Variants in DISC1 observed in about 807,000 individuals in gnomAD.
DISC1 encodes the protein disrupted in schizophrenia 1 protein.
DISC1 carries 57 observed loss-of-function variants against 84.5 expected under a neutral mutation model. That is an observed-to-expected ratio of 0.67 (90% CI 0.55 to 0.84). The LOEUF (loss-of-function observed/expected upper bound fraction) is 0.84. Among genes scored for constraint, DISC1 ranks in the 40% least tolerant of loss-of-function variants. The pLI is 0.00. For synonymous variants in DISC1, 411 were observed against 415.2 expected (o/e 0.99, Z 0.12); for missense variants, 1,000 against 1,057.8 (o/e 0.95, Z 0.76).
chr1:231,836,940 C>G (rs1213440762), intron 9 of DISC1, among the ~76,000 whole-genome samples: 2 of 152,180 alleles, frequency 1.3e-5, no homozygotes, highest in African/African-American at 4.8e-5. Flanking sequence ...GGCACTTGAC[C>G]TGATGCTGGG....
chr1:231,643,884 C>T lies in DISC1; in HGVS notation c.67+16950C>T, dbSNP rs142919229. On this transcript the variant is annotated intron_variant, in intron 1 of 12. Coordinates refer to ENST00000439617, the MANE Select transcript of DISC1 (RefSeq NM_018662.3). Reference sequence around the variant, plus strand: ...AATGGAGCCCTGGTGCTGAGGATGGCGAGCCTTTTTCTAATTCATCAGCTC... The same window carrying T: ...AATGGAGCCCTGGTGCTGAGGATGGTGAGCCTTTTTCTAATTCATCAGCTC... Among the ~76,000 whole-genome samples, 677 of 152,188 alleles carry T rather than the reference C, an allele frequency of 4.4e-3. 3 individuals are homozygous for T. Among genetic ancestry groups the T allele is most frequent in the Non-Finnish European group, 7.2e-3 (489 of 67,980 alleles).
rs1269084648 is a variant in DISC1 at position 231,756,524 on chromosome 1, A to T, written c.1268+6448A>T. Among the ~76,000 whole-genome samples, 7 of 60,148 alleles carry T rather than the reference A, an allele frequency of 1.2e-4. No homozygotes were observed. In the East Asian group the frequency reaches 3.4e-3, roughly 29 times the overall value. The allele number at this position is 60,148 out of a possible 152,430, so 39.5% of individuals were successfully genotyped here. ...AACGTATATGTGAATATCGAGAGAG[A>T]GAGAGAGAGAGAGAGAGAGAGAGAG... On this transcript the variant is annotated intron_variant, in intron 4 of 12. Transcript: ENST00000439617.
At chr1:231,772,372 C>T (rs538959275) in intron 6 of DISC1, among the ~76,000 whole-genome samples, 2 of 152,194 alleles carry the variant, frequency 1.3e-5, no homozygotes, top group African/African-American at 4.8e-5. Flanking sequence ...GTAAGGACTG[C>T]AAGTGCTACG....
At chr1:231,742,767 A>C (rs1458371985) in intron 3 of DISC1, among the ~76,000 whole-genome samples, 1 of 146,836 alleles carries the variant, frequency 6.8e-6, no homozygotes, top group African/African-American at 2.6e-5. Flanking sequence ...AAAAAAAGCT[A>C]GGTGTGGTGG....
intron 9 of DISC1, among the ~76,000 whole-genome samples, chr1:231,837,253 C>T (rs1455696552): frequency 1.3e-5 from 2 of 152,262 alleles, no homozygotes; most frequent in South Asian, 4.1e-4. Flanking sequence ...GAAAGGTCAT[C>T]CTGTCTTGCC....
chr1:231,917,747 G>A (rs189295676), intron 9 of DISC1, among the ~76,000 whole-genome samples: 3 of 152,238 alleles, frequency 2.0e-5, no homozygotes, highest in Non-Finnish European at 4.4e-5. Context: ...GTTCTTCCCC[G>A]CCTTAAAGGA....
Position 231,855,446 on chromosome 1 carries a change from A to G in DISC1, c.1981+36929A>G, listed in dbSNP as rs945180224. 1.3e-5 allele frequency: 13 copies of G among 984,036 alleles called. No homozygotes were observed. In the African/African-American group the frequency reaches 2.3e-4, roughly 17 times the overall value. The allele number at this position is 984,036 out of a possible 1,614,324, so 61.0% of individuals were successfully genotyped here. ...CATTTGATGCAAGCAGTTAAACTTA[A>G]TTTCCATTAAGACAAACACACAAAT... On this transcript the variant is annotated intron_variant, in intron 9 of 12. Transcript: ENST00000439617.
At chr1:231,724,537 G>T (rs530383348) in intron 3 of DISC1, among the ~76,000 whole-genome samples, 1 of 152,190 alleles carries the variant, frequency 6.6e-6, no homozygotes. Flanking sequence ...GGAGAGGGGA[G>T]GTAAAGAGTT....
At chr1:231,907,905 T>A (rs1486924033) in intron 9 of DISC1, among the ~76,000 whole-genome samples, 1 of 152,238 alleles carries the variant, frequency 6.6e-6, no homozygotes, top group Non-Finnish European at 1.5e-5. Context: ...CGGTTTTGAT[T>A]TGCATTTCTC....
intron 9 of DISC1, among the ~76,000 whole-genome samples, chr1:231,940,365 G>A (rs1332399809): frequency 2.6e-5 from 4 of 152,176 alleles, no homozygotes; most frequent in African/African-American, 4.8e-5. Context: ...GGTGAGCCCC[G>A]GCCAGGCACT....
chr1:231,778,690 G>C (rs2077148331), intron 6 of DISC1, among the ~76,000 whole-genome samples: 1 of 152,174 alleles, frequency 6.6e-6, no homozygotes, highest in Non-Finnish European at 1.5e-5. Flanking sequence ...GAAGAGGATT[G>C]GAAAAGAAGG....
chr1:231,651,540 G>A (rs1214733484), intron 1 of DISC1, among the ~76,000 whole-genome samples: 1 of 152,232 alleles, frequency 6.6e-6, no homozygotes, highest in African/African-American at 2.4e-5. Context: ...CTACACAGGG[G>A]TCAGGGAGCC....
chr1:231,740,715 G>A (rs141836286), intron 3 of DISC1, among the ~76,000 whole-genome samples: 89 of 152,300 alleles, frequency 5.8e-4, no homozygotes, highest in African/African-American at 2.0e-3. Context: ...CTTCAGGATA[G>A]GACCCAAGCC....
chr1:231,985,852 A>C (rs894762543), intron 10 of DISC1, among the ~76,000 whole-genome samples: 2 of 152,144 alleles, frequency 1.3e-5, no homozygotes, highest in African/African-American at 4.8e-5. Flanking sequence ...ATGAGTTCCT[A>C]AGTGCTATGT....
chr1:231,671,702 AAT>A (rs1293195496), intron 1 of DISC1, among the ~76,000 whole-genome samples: 2 of 152,188 alleles, frequency 1.3e-5, no homozygotes, highest in Non-Finnish European at 2.9e-5. Context: ...TTTAAGAAGC[AAT>A]ATAGTGTTAA....
At position 231,770,934 on chromosome 1, in the gene DISC1, C is replaced by G. The variant is rs781107733; in HGVS notation, c.1498C>G (p.Gln500Glu). The change falls in exon 6 of 13, where the codon CAG becomes GAG. Residue 500 changes from glutamine to glutamate, a missense_variant. Transcript: ENST00000439617. ...GGAGCAAGAGCAGCAACTCCAGTGG[C>G]AGGGCTGCGACCTGACCCCACTGGT... is the stretch of plus-strand genomic sequence containing the variant. ...IEEQEQQLQW[Q>E]GCDLTPLVGQ... 14 of 1,614,088 alleles carry G rather than the reference C, an allele frequency of 8.7e-6. No individual in the cohort carries two copies. The African/African-American group carries it at 1.7e-4, about 20-fold the overall frequency.
chr1:231,761,557 A>G (rs1538977), intron 4 of DISC1, among the ~76,000 whole-genome samples: 30,945 of 152,036 alleles, frequency 0.2, 3,259 homozygotes, highest in East Asian at 0.24. Context: ...TTTCTTATGG[A>G]TTAAGTAATG....
intron 1 of DISC1, among the ~76,000 whole-genome samples, chr1:231,657,251 A>G (rs2061177692): frequency 6.6e-6 from 1 of 152,214 alleles, no homozygotes; most frequent in Non-Finnish European, 1.5e-5. Flanking sequence ...TCCCACCAAC[A>G]ATGTAAAAGC....
At chr1:231,807,667 G>A (rs2079851223) in intron 8 of DISC1, among the ~76,000 whole-genome samples, 1 of 152,182 alleles carries the variant, frequency 6.6e-6, no homozygotes. Context: ...GGTGATTGGA[G>A]CTGGCTGATG....
Sources: allele counts gnomAD v4.1 joint callset (sites outside exome capture counted in the v4.1 genomes callset), GRCh38; gene constraint gnomAD v4.1.1; transcripts MANE v1.5; gene names NCBI Gene and HGNC (gene_info 2026-07-23, HGNC 2026-07-21).